The following DGKB variants were observed in gnomAD, a reference collection of about 807,000 sequenced individuals.
DGKB encodes 90 kDa diacylglycerol kinase.
In DGKB, 67 loss-of-function variants were observed where a neutral mutation model predicts 114.3. The observed-to-expected ratio is 0.59, with a 90% CI of 0.48 to 0.72. DGKB has a LOEUF of 0.72. Ranked by LOEUF, DGKB falls within the 30% of genes least tolerant of loss-of-function variation. The pLI is 0.00. For synonymous variants in DGKB, 398 were observed against 323.1 expected (o/e 1.23, Z -2.49); for missense variants, 907 against 975.2 (o/e 0.93, Z 0.93).
intron 6 of DGKB, among the ~76,000 whole-genome samples, chr7:14,704,846 A>T: frequency 6.6e-6 from 1 of 152,176 alleles, no homozygotes; most frequent in Non-Finnish European, 1.5e-5. Context: ...CACCAAAAGT[A>T]GATAAAACCA....
intron 2 of DGKB, among the ~76,000 whole-genome samples, chr7:14,790,967 T>C (rs190090777): frequency 1.3e-5 from 2 of 152,274 alleles, no homozygotes; most frequent in East Asian, 3.9e-4. Flanking sequence ...ATTTAGATTT[T>C]ATTATATTTC....
chr7:14,810,679 G>A (rs1176821432), intron 2 of DGKB, among the ~76,000 whole-genome samples: 2 of 151,964 alleles, frequency 1.3e-5, no homozygotes, highest in South Asian at 2.1e-4. Flanking sequence ...CACGATCTTG[G>A]CTCACTACAG....
At chr7:14,410,996 T>C (rs544932271) in intron 21 of DGKB, among the ~76,000 whole-genome samples, 1 of 152,156 alleles carries the variant, frequency 6.6e-6, no homozygotes, top group African/African-American at 2.4e-5. Flanking sequence ...ACTTGAAGTC[T>C]TGAATTTTGC....
intron 23 of DGKB, among the ~76,000 whole-genome samples, chr7:14,228,795 A>G (rs537904401): frequency 5.9e-5 from 9 of 152,090 alleles, no homozygotes; most frequent in Non-Finnish European, 8.8e-5. Context: ...ACACTTTCAA[A>G]AAATGTATTC....
rs200159492 is a variant in DGKB at position 14,760,764 on chromosome 7, G to GCTTA, written c.71-3037_71-3034dup. Among the ~76,000 whole-genome samples the GCTTA allele has an allele frequency of 3.8e-3, 571 of 152,250 alleles. 3 individuals carry two copies. The highest frequency in any genetic ancestry group is 0.013 in the African/African-American group (555 of 41,554). ...CCTGCCCCACAACTTTAGAGACACT[G>GCTTA]CTTAGATGGCCTTTTCGTTTCAGGT... is the stretch of plus-strand genomic sequence containing the variant. On this transcript the variant is annotated intron_variant, in intron 2 of 25. Transcript: ENST00000402815.
At chr7:14,824,316 T>TA (rs1845359835) in intron 2 of DGKB, among the ~76,000 whole-genome samples, 1 of 152,178 alleles carries the variant, frequency 6.6e-6, no homozygotes, top group Non-Finnish European at 1.5e-5. Flanking sequence ...GTTTTCACGT[T>TA]AAAAATATAA....
chr7:14,605,546 A>C (rs1323693353), intron 17 of DGKB, among the ~76,000 whole-genome samples: 1 of 151,746 alleles, frequency 6.6e-6, no homozygotes, highest in African/African-American at 2.4e-5. Flanking sequence ...TTTTTTCTAA[A>C]TAATATTCAT....
chr7:14,447,879 G>C (rs561250342), intron 21 of DGKB, among the ~76,000 whole-genome samples: 14 of 152,188 alleles, frequency 9.2e-5, no homozygotes, highest in Admixed American at 5.2e-4. Context: ...GGGAATTTTA[G>C]ATGATTTAAT....
intron 1 of DGKB, among the ~76,000 whole-genome samples, chr7:14,898,202 C>A (rs1033675916): frequency 6.6e-6 from 1 of 151,858 alleles, no homozygotes; most frequent in South Asian, 2.1e-4. Context: ...GCATGGAGAG[C>A]GGGCAGAGGA....
At chr7:14,287,028 G>A (rs1800979345) in intron 23 of DGKB, among the ~76,000 whole-genome samples, 1 of 152,010 alleles carries the variant, frequency 6.6e-6, no homozygotes, top group African/African-American at 2.4e-5. Context: ...GTATGTGGGG[G>A]TGGGGGAAAA....
chr7:14,184,598 C>T (rs1783126193), intron 23 of DGKB, among the ~76,000 whole-genome samples: 1 of 152,044 alleles, frequency 6.6e-6, no homozygotes, highest in Non-Finnish European at 1.5e-5. Context: ...ATCTCATCCC[C>T]ATCCCCCATG....
intron 17 of DGKB, among the ~76,000 whole-genome samples, chr7:14,587,548 A>G (rs1160033758): frequency 6.6e-6 from 1 of 152,202 alleles, no homozygotes. Context: ...GGGAAGTTCT[A>G]CTGTGTATAA....
intron 4 of DGKB, among the ~76,000 whole-genome samples, chr7:14,737,270 C>G (rs1249123512): frequency 6.8e-6 from 1 of 146,064 alleles, no homozygotes; most frequent in African/African-American, 2.5e-5. Context: ...TTATAGGTAG[C>G]CCTTGAAGGC....
chr7:14,675,881 A>T (rs1272569725), intron 12 of DGKB, among the ~76,000 whole-genome samples: 1 of 152,102 alleles, frequency 6.6e-6, no homozygotes, highest in East Asian at 1.9e-4. Context: ...CGTTGTTTGT[A>T]GCCAAGAGTG....
Position 14,718,598 on chromosome 7 carries a change from T to C in DGKB, c.410A>G (p.Asp137Gly). The change falls in exon 6 of 26, where the codon GAC becomes GGC. Residue 137 changes from aspartate to glycine, a missense_variant. Asp to Gly is a moderately conservative substitution (Grantham distance 94). Around this residue, in one of 3 missense-constraint regions of DGKB, gnomAD observed 814 missense variants for 856.6 expected, o/e 0.95. Coordinates refer to ENST00000402815, the MANE Select transcript of DGKB (RefSeq NM_001350709.2). The stretch of plus-strand genomic sequence containing the variant: ...AAGCAGAGACAGGTAACAGACAATG[T>C]CCTTCAGATGGATTACTTCTGGGGA... ...TCSPEVIHLK[D>G]IVCYLSLLER... The C allele has an allele frequency of 6.2e-7, 1 of 1,613,070 alleles. No homozygotes were observed. Among genetic ancestry groups the C allele is most frequent in the Admixed American group, 1.7e-5 (1 of 59,940 alleles).
intron 23 of DGKB, among the ~76,000 whole-genome samples, chr7:14,277,105 C>A (rs982309377): frequency 1.3e-5 from 2 of 151,994 alleles, no homozygotes; most frequent in African/African-American, 4.8e-5. Flanking sequence ...AAATTTTATA[C>A]CCTTTGACCA....
Position 14,720,092 on chromosome 7 carries a change from ACACG to A in DGKB, c.323-1411_323-1408del, listed in dbSNP as rs370565273. On this transcript the variant is annotated intron_variant, in intron 5 of 25. Transcript: ENST00000402815. ...ATTTACATCTTAACACAGCACACACACACGCACGCACGCACACACACGCACACAC... is the reference window on the plus strand; with the variant it reads ...ATTTACATCTTAACACAGCACACACACACGCACGCACACACACGCACACAC... Among the ~76,000 whole-genome samples, 164 of 151,304 alleles carry A rather than the reference ACACG, an allele frequency of 1.1e-3. 1 individual carries two copies. In the South Asian group the frequency reaches 0.015, roughly 14 times the overall value.
chr7:14,775,967 T>G (rs1207576767), intron 2 of DGKB, among the ~76,000 whole-genome samples: 1 of 151,988 alleles, frequency 6.6e-6, no homozygotes, highest in African/African-American at 2.4e-5. Context: ...GTGAGAAAGT[T>G]TGGAACTTTC....
intron 2 of DGKB, among the ~76,000 whole-genome samples, chr7:14,771,384 G>A (rs957093636): frequency 6.6e-6 from 1 of 151,998 alleles, no homozygotes; most frequent in Non-Finnish European, 1.5e-5. Flanking sequence ...TCGTTATTGG[G>A]CGGCAAGAAT....
Sources: allele counts gnomAD v4.1 joint callset (sites outside exome capture counted in the v4.1 genomes callset), GRCh38; gene constraint gnomAD v4.1.1; regional missense constraint gnomAD v4.1.1; transcripts MANE v1.5; gene names NCBI Gene and HGNC (gene_info 2026-07-23, HGNC 2026-07-21).